The following PCYT1B variants were observed in gnomAD, a reference collection of about 807,000 sequenced individuals.
PCYT1B encodes choline-phosphate cytidylyltransferase B.
Under a neutral mutation model 26.4 loss-of-function variants are expected in PCYT1B, and 10 were observed. The observed-to-expected ratio is 0.38, with a 90% CI of 0.23 to 0.64. The LOEUF is 0.64. PCYT1B is among the 30% of genes least tolerant of loss of function. The pLI is 0.56. For missense variants in PCYT1B, 161 were observed against 292.7 expected (o/e 0.55, Z 3.28); for synonymous variants, 131 against 108.4 (o/e 1.21, Z -1.29).
chrX:24,565,994 G>A (rs1923616180), intron 7 of PCYT1B, among the ~76,000 whole-genome samples: 1 of 111,602 alleles, frequency 9.0e-6, no homozygotes, highest in South Asian at 3.7e-4. Flanking sequence ...AAACTGTTCA[G>A]CATCACTAGT....
At chrX:24,626,945 A>T (rs891775619) in intron 1 of PCYT1B, among the ~76,000 whole-genome samples, 1 of 112,282 alleles carries the variant, frequency 8.9e-6, no homozygotes, top group Admixed American at 9.5e-5. Context: ...TAAAACATGT[A>T]GTATTTTAGT....
chrX:24,639,846 C>A (rs1385638686), intron 1 of PCYT1B, among the ~76,000 whole-genome samples: 1 of 110,619 alleles, frequency 9.0e-6, no homozygotes, highest in Non-Finnish European at 1.9e-5. Context: ...CACTGGAGCC[C>A]AACCTGTCCA....
At chrX:24,665,415 T>C (rs962337551) in intron 1 of PCYT1B, among the ~76,000 whole-genome samples, 4 of 110,253 alleles carry the variant, frequency 3.6e-5, no homozygotes, top group Non-Finnish European at 7.6e-5. Flanking sequence ...CTCAGCCCCC[T>C]GAGTAGCTGA....
At chrX:24,599,592 G>A (rs1469037523) in intron 3 of PCYT1B, among the ~76,000 whole-genome samples, 2 of 111,574 alleles carry the variant, frequency 1.8e-5, no homozygotes, top group African/African-American at 6.5e-5. Flanking sequence ...TTATCAAAGT[G>A]TATATAATGT....
intron 5 of PCYT1B, among the ~76,000 whole-genome samples, chrX:24,580,991 A>G (rs947389190): frequency 1.8e-5 from 2 of 111,704 alleles, no homozygotes; most frequent in African/African-American, 6.5e-5. Flanking sequence ...CAAGTTCCCA[A>G]TCTACTTCTT....
intron 3 of PCYT1B, among the ~76,000 whole-genome samples, chrX:24,605,691 G>A (rs760257795): frequency 8.2e-4 from 92 of 111,892 alleles, no homozygotes; most frequent in Non-Finnish European, 1.4e-3. Flanking sequence ...TTGGGAGGCT[G>A]AGGTGGGTGG....
chrX:24,619,148 T>A, intron 1 of PCYT1B, 64 bp from the exon 2 acceptor site: 1 of 770,532 alleles, frequency 1.3e-6, no homozygotes, highest in Non-Finnish European at 2.0e-6. Context: ...TAACTTCCTC[T>A]GAAGTTTTAT....
At chrX:24,630,386 C>T (rs959908804) in intron 1 of PCYT1B, among the ~76,000 whole-genome samples, 2 of 111,364 alleles carry the variant, frequency 1.8e-5, no homozygotes, top group African/African-American at 3.3e-5. Context: ...ACCTCCACCC[C>T]CTGAGTTCAC....
At chrX:24,639,020 A>G (rs778998908) in intron 1 of PCYT1B, among the ~76,000 whole-genome samples, 5 of 112,950 alleles carry the variant, frequency 4.4e-5, no homozygotes, top group African/African-American at 6.4e-5. Flanking sequence ...TACAACATCA[A>G]TGTAAAACTT....
chrX:24,626,800 GACAA>G (rs1427016743), intron 1 of PCYT1B, among the ~76,000 whole-genome samples: 1 of 111,695 alleles, frequency 9.0e-6, no homozygotes, highest in African/African-American at 3.3e-5. Context: ...TCTAACATCA[GACAA>G]ACACTTTTTG....
intron 7 of PCYT1B, among the ~76,000 whole-genome samples, chrX:24,568,001 G>T (rs1923690499): frequency 9.0e-6 from 1 of 111,596 alleles, no homozygotes. Flanking sequence ...ATCTAGTGGG[G>T]CAATAAATGT....
intron 5 of PCYT1B, among the ~76,000 whole-genome samples, chrX:24,583,840 T>C (rs1924281061): frequency 8.9e-6 from 1 of 111,772 alleles, no homozygotes; most frequent in African/African-American, 3.3e-5. Context: ...ACCTACAGCA[T>C]CTAACAACCT....
rs371648944 is a variant in PCYT1B, at chrX:24,639,767, C to A, written c.117+7222G>T. On this transcript the variant is annotated intron_variant, in intron 1 of 7. Coordinates refer to ENST00000379144, the MANE Select transcript of PCYT1B (RefSeq NM_004845.5). ...CTTGTTCTTGCCCAAACCATCCTTG[C>A]CAGCTTCCTTGCCACTACAGTGGGA... is the stretch of plus-strand genomic sequence containing the variant. Among the ~76,000 whole-genome samples the A allele has an allele frequency of 6.3e-5, 7 of 111,576 alleles. No homozygotes were observed. The South Asian group carries it at 1.1e-3, about 18-fold the overall frequency.
At chrX:24,631,576 G>A (rs188520125) in intron 1 of PCYT1B, among the ~76,000 whole-genome samples, 3 of 111,915 alleles carry the variant, frequency 2.7e-5, no homozygotes, top group Non-Finnish European at 3.8e-5. Context: ...AAGCATTTTC[G>A]CATTCTCCTC....
chrX:24,637,400 G>A (rs1343138881), intron 1 of PCYT1B, among the ~76,000 whole-genome samples: 1 of 100,970 alleles, frequency 9.9e-6, no homozygotes, highest in Non-Finnish European at 2.0e-5. Context: ...CTAGCACTTT[G>A]GGAGGCCGAG....
chrX:24,586,955 T>C (rs372580705), intron 5 of PCYT1B, among the ~76,000 whole-genome samples: 10 of 112,023 alleles, frequency 8.9e-5, no homozygotes, highest in Non-Finnish European at 1.9e-4. Flanking sequence ...ATTTAAGTAA[T>C]GGGGTCCTGC....
chrX:24,641,214 T>C (rs1331413920), intron 1 of PCYT1B, among the ~76,000 whole-genome samples: 3 of 112,326 alleles, frequency 2.7e-5, no homozygotes, highest in African/African-American at 9.7e-5. Flanking sequence ...ATCACAGGCA[T>C]AAGCCACTGC....
At chrX:24,583,609 T>C in intron 5 of PCYT1B, among the ~76,000 whole-genome samples, 1 of 112,255 alleles carries the variant, frequency 8.9e-6, no homozygotes, top group East Asian at 2.8e-4. Context: ...CAACTGGAAC[T>C]TGACATTTTA....
At chrX:24,597,909 C>T (rs984869096) in intron 3 of PCYT1B, among the ~76,000 whole-genome samples, 6 of 112,255 alleles carry the variant, frequency 5.3e-5, no homozygotes, top group African/African-American at 1.9e-4. Flanking sequence ...AAAAAAATGG[C>T]TTTTTCATGT....
Sources: gnomAD v4.1 joint callset for allele counts (sites outside exome capture counted in the v4.1 genomes callset) on GRCh38, gnomAD v4.1.1 for gene constraint, MANE v1.5 for transcripts, NCBI Gene and HGNC (gene_info 2026-07-23, HGNC 2026-07-21) for gene names.